The following PARVB variants were observed in gnomAD, a reference collection of about 807,000 sequenced individuals.
PARVB encodes beta-parvin.
A neutral mutation model predicts 47.0 loss-of-function variants in PARVB; 46 were observed. The observed-to-expected ratio is 0.98, with a 90% CI of 0.77 to 1.25. The LOEUF (loss-of-function observed/expected upper bound fraction) is 1.25, where lower values mean the gene tolerates loss of function less well. PARVB is among the 50% of genes most tolerant of loss of function. PARVB has a pLI of 0.00. For missense variants in PARVB, 473 were observed against 471.6 expected, an observed-to-expected ratio of 1.00 and a Z score of -0.03; for synonymous variants, 196 against 196.3, an observed-to-expected ratio of 1.00 and a Z score of 0.01.
In PARVB at chr22:44,120,115, C is replaced by A. The variant is rs143443850; in HGVS notation, c.376+975C>A. ...AACAGCCGGGCAGCCTGGCCCCAAG[C>A]ATAGCTCTTGAGCCCGGCCGCGGGG... is the stretch of plus-strand genomic sequence containing the variant. On this transcript the variant is annotated intron_variant, in intron 4 of 12. Transcript: ENST00000338758. Among the ~76,000 whole-genome samples the A allele has an allele frequency of 5.6e-3, 858 of 152,360 alleles. 5 individuals carry two copies. Among genetic ancestry groups the A allele is most frequent in the African/African-American group, 0.02 (813 of 41,594 alleles).
intron 1 of PARVB, among the ~76,000 whole-genome samples, chr22:44,066,803 T>A (rs1601551559): frequency 6.8e-6 from 1 of 147,892 alleles, no homozygotes; most frequent in Non-Finnish European, 1.5e-5. Context: ...CTCCTCCTCC[T>A]CCTCCTCCTC....
chr22:44,156,333 A>G (rs2053932878), intron 10 of PARVB, among the ~76,000 whole-genome samples: 1 of 139,104 alleles, frequency 7.2e-6, no homozygotes, highest in African/African-American at 2.8e-5. Context: ...AGGCCGGAGT[A>G]CAGTGGCGCG....
chr22:44,023,338 G>A (rs781052078), upstream of PARVB, among the ~76,000 whole-genome samples: 22 of 151,416 alleles, frequency 1.5e-4, no homozygotes, highest in South Asian at 4.2e-4. Context: ...TGGCAAAACC[G>A]CATCTCTACT....
At chr22:44,146,377 GCA>G (rs1569152739) in intron 8 of PARVB, 1 of 140,248 alleles carries the variant, frequency 7.1e-6, no homozygotes, top group East Asian at 2.2e-4. Flanking sequence ...ACACGTGCTC[GCA>G]CACGCACACA....
intron 3 of PARVB, chr22:44,105,442 G>C (rs1373343684): frequency 6.6e-6 from 1 of 152,252 alleles, no homozygotes; most frequent in East Asian, 1.9e-4. Context: ...ACTTCTTTCA[G>C]TTTTCTCTCA....
At chr22:44,117,851 C>T (rs1006425444) in intron 3 of PARVB, among the ~76,000 whole-genome samples, 10 of 152,058 alleles carry the variant, frequency 6.6e-5, no homozygotes, top group African/African-American at 2.2e-4. Context: ...TTTCCTTGCA[C>T]AGGAAAATCA....
In PARVB at chr22:44,158,020, T is replaced by C; in HGVS notation, c.882T>C (p.Leu294=). 5 of 1,614,140 alleles carry C rather than the reference T, an allele frequency of 3.1e-6. No homozygotes were observed. Among genetic ancestry groups the C allele is most frequent in the Non-Finnish European group, 4.2e-6 (5 of 1,179,960 alleles). The change falls in exon 11 of 13, where the codon CTT becomes CTC. Residue 294 remains leucine, a synonymous_variant. Transcript: ENST00000338758. ...DGVYLVLLMG[L]LEDYFVPLHH... ...TGTACCTGGTTCTGCTCATGGGCCT[T>C]CTGGAAGACTACTTTGTTCCTCTCC...
chr22:44,034,202 AATTAT>A (rs963761426), intron 1 of PARVB, among the ~76,000 whole-genome samples: 44 of 150,134 alleles, frequency 2.9e-4, no homozygotes, highest in African/African-American at 9.7e-4. Flanking sequence ...TTATAATTAT[AATTAT>A]ATTATAAAGA....
chr22:44,026,152 C>T (rs759093370), intron 1 of PARVB, among the ~76,000 whole-genome samples: 4 of 152,212 alleles, frequency 2.6e-5, no homozygotes, highest in Non-Finnish European at 4.4e-5. Flanking sequence ...ATAGGAAGAA[C>T]ACACACCCAA....
intron 6 of PARVB, among the ~76,000 whole-genome samples, chr22:44,133,920 A>T (rs1462682422): frequency 3.3e-5 from 5 of 152,208 alleles, no homozygotes; most frequent in African/African-American, 1.2e-4. Context: ...ATGAGCGCCT[A>T]CTATTCTCTA....
chr22:44,004,347 G>T (rs563584141), intron 2 of PARVB, among the ~76,000 whole-genome samples: 1 of 152,118 alleles, frequency 6.6e-6, no homozygotes, highest in African/African-American at 2.4e-5. Flanking sequence ...TAACCTAACA[G>T]TAGTAGTAAT....
chr22:44,167,195 C>T (rs1327351055), intron 12 of PARVB, among the ~76,000 whole-genome samples: 1 of 152,218 alleles, frequency 6.6e-6, no homozygotes, highest in African/African-American at 2.4e-5. Context: ...TAAGGAGGCC[C>T]CTTGCCTGGG....
intron 8 of PARVB, chr22:44,140,691 C>T (rs1240095844): frequency 2.1e-6 from 1 of 471,182 alleles, no homozygotes; most frequent in Non-Finnish European, 4.3e-6. Flanking sequence ...GTGTAAAAGG[C>T]TCTCCCCAGG....
intron 7 of PARVB, chr22:44,139,617 A>AT (rs1444390033): frequency 6.3e-6 from 1 of 159,202 alleles, no homozygotes; most frequent in East Asian, 1.8e-4. Context: ...TGCCCGGCTA[A>AT]TTTTTGCATT....
intron 1 of PARVB, among the ~76,000 whole-genome samples, chr22:44,061,084 G>A (rs2051409571): frequency 6.6e-6 from 1 of 152,108 alleles, no homozygotes; most frequent in African/African-American, 2.4e-5. Flanking sequence ...CAGCCTTCTT[G>A]CACTTGGGAA....
Position 44,140,425 on chromosome 22 carries a change from G to T in PARVB, c.712+282G>T, listed in dbSNP as rs2053528719. The T allele has an allele frequency of 5.6e-6, 4 of 715,242 alleles. No homozygotes were observed. The East Asian group carries it at 1.1e-4, about 19-fold the overall frequency. 44.3% of individuals were successfully genotyped at this position (715,242 alleles called of 1,614,324 possible). ...AGGAGGGGCCTGGGATGTAACACTG[G>T]CTGGAACTGTCAGGGGCTGGAGCAA... On this transcript the variant is annotated intron_variant, in intron 8 of 12. Coordinates refer to ENST00000338758, the MANE Select transcript of PARVB (RefSeq NM_013327.5).
chr22:44,119,172 C>T (rs1232833027), intron 4 of PARVB, 32 bp downstream of exon 4: 2 of 1,409,350 alleles, frequency 1.4e-6, no homozygotes, highest in South Asian at 1.1e-5. Context: ...CTCTGTCCCA[C>T]CCCCATCTCC....
chr22:44,094,165 G>T (rs2052241136), intron 2 of PARVB, 148 bp downstream of exon 2: 2 of 524,444 alleles, frequency 3.8e-6, no homozygotes, highest in Non-Finnish European at 6.7e-6. Context: ...TTAGCTCAAG[G>T]TCATCTTTAG....
At chr22:44,075,269 CAT>C (rs528726961) in intron 1 of PARVB, among the ~76,000 whole-genome samples, 7 of 152,238 alleles carry the variant, frequency 4.6e-5, no homozygotes, top group Non-Finnish European at 8.8e-5. Flanking sequence ...CATATGCACA[CAT>C]GTTCATGCAT....
Sources: gnomAD v4.1 joint callset for allele counts (sites outside exome capture counted in the v4.1 genomes callset) on GRCh38, gnomAD v4.1.1 for gene constraint, MANE v1.5 for transcripts, NCBI Gene and HGNC (gene_info 2026-07-23, HGNC 2026-07-21) for gene names.